DMD: variants seen among roughly 807,000 people sequenced by gnomAD.
The protein encoded by DMD is mutant dystrophin.
DMD carries 63 observed loss-of-function variants against 330.1 expected under a neutral mutation model. The observed-to-expected ratio is 0.19, with a 90% CI of 0.16 to 0.24. The LOEUF (loss-of-function observed/expected upper bound fraction) is 0.24. Ranked by LOEUF, DMD falls within the 10% of genes least tolerant of loss-of-function variation. The pLI is 1.00. For synonymous variants in DMD, 1,223 were observed against 959.8 expected, an observed-to-expected ratio of 1.27 and a Z score of -5.07; for missense variants, 3,344 against 2,684.1, an observed-to-expected ratio of 1.25 and a Z score of -5.43.
At chrX:33,010,084 G>A (rs867686740) in intron 2 of DMD, among the ~76,000 whole-genome samples, 1 of 86,099 alleles carries the variant, frequency 1.2e-5, no homozygotes, top group African/African-American at 5.1e-5. Context: ...ATGTGCACAT[G>A]TGTATATATA....
chrX:32,328,648 G>A (rs1204139344), intron 41 of DMD, among the ~76,000 whole-genome samples: 1 of 109,006 alleles, frequency 9.2e-6, no homozygotes, highest in African/African-American at 3.3e-5. Context: ...CTAAGTTGGT[G>A]GTTTACGGAC....
chrX:33,165,562 T>G (rs993287287), intron 1 of DMD, among the ~76,000 whole-genome samples: 38 of 111,128 alleles, frequency 3.4e-4, no homozygotes, highest in African/African-American at 1.2e-3. Context: ...GTTTAGAATA[T>G]ACAGGAGAAT....
intron 7 of DMD, among the ~76,000 whole-genome samples, chrX:32,748,954 G>A (rs1256426823): frequency 2.7e-5 from 3 of 112,343 alleles, no homozygotes; most frequent in Admixed American, 9.4e-5. Flanking sequence ...ACTGTTTAAT[G>A]TGATGGAGTA....
At chrX:31,695,729 C>A (rs901039698) in intron 52 of DMD, among the ~76,000 whole-genome samples, 6 of 110,698 alleles carry the variant, frequency 5.4e-5, no homozygotes, top group Non-Finnish European at 1.1e-4. Flanking sequence ...AAGTTGAACT[C>A]ATAGAAATGG....
chrX:31,391,732 G>A (rs1046252250), intron 60 of DMD, among the ~76,000 whole-genome samples: 9 of 109,981 alleles, frequency 8.2e-5, no homozygotes, highest in Non-Finnish European at 1.5e-4. Flanking sequence ...TTAGCTGGGC[G>A]TGGTGGCACA....
chrX:31,957,827 A>G (rs2095261730), intron 45 of DMD, among the ~76,000 whole-genome samples: 1 of 111,584 alleles, frequency 9.0e-6, no homozygotes, highest in Non-Finnish European at 1.9e-5. Context: ...TCCATTAACT[A>G]TATTAAACCA....
Position 31,146,307 on chromosome X carries a change from T to G in DMD, c.10905A>C (p.Gln3635His). The change falls in exon 76 of 79, where the codon CAA becomes CAC. Residue 3635 changes from glutamine to histidine, a missense_variant. By Grantham distance (24) the Gln-to-His change is conservative (BLOSUM62 0). Transcript: ENST00000357033. ...GACACTTACCCATGGAGTCCGAAGT[T>G]TGACTGCCAACCACTCGGAGCAGCA... ...QPMLLRVVGS[Q>H]TSDSMGEEDL... 4.1e-6 allele frequency: 5 copies of G among 1,211,284 alleles called. No individual in the cohort carries two copies. The highest frequency in any genetic ancestry group is 5.6e-6 in the Non-Finnish European group (5 of 895,333).
intron 1 of DMD, among the ~76,000 whole-genome samples, chrX:33,262,047 T>C (rs1363781012): frequency 1.8e-5 from 2 of 110,174 alleles, no homozygotes; most frequent in Non-Finnish European, 3.8e-5. Context: ...TGTTTAGAAT[T>C]CTCAACAATA....
intron 48 of DMD, among the ~76,000 whole-genome samples, chrX:31,855,721 T>C (rs1437658366): frequency 9.7e-6 from 1 of 102,886 alleles, no homozygotes; most frequent in Non-Finnish European, 2.0e-5. Flanking sequence ...ATTAAACTCG[T>C]ATTTTTTTAA....
intron 1 of DMD, among the ~76,000 whole-genome samples, chrX:33,282,996 G>C (rs767621577): frequency 9.0e-6 from 1 of 111,682 alleles, no homozygotes; most frequent in Admixed American, 9.5e-5. Flanking sequence ...AGGTTTTATT[G>C]TTCTTCTTCA....
intron 51 of DMD, among the ~76,000 whole-genome samples, chrX:31,752,288 T>C (rs1200487127): frequency 2.7e-5 from 3 of 111,789 alleles, no homozygotes; most frequent in African/African-American, 6.5e-5. Flanking sequence ...GTTCTGCATT[T>C]ACTTAGCATG....
rs992685881 is a variant in DMD at position 31,888,441 on chromosome X, C to A, written c.6913-13068G>T. Among the ~76,000 whole-genome samples, 4 of 111,509 alleles carry A rather than the reference C, an allele frequency of 3.6e-5. No homozygotes were observed. In the Admixed American group the frequency reaches 3.8e-4, roughly 11 times the overall value. On this transcript the variant is annotated intron_variant, in intron 47 of 78. Coordinates refer to ENST00000357033, the MANE Select transcript of DMD (RefSeq NM_004006.3). ...CAGCGCACTCTGAATGCATTTTAGG[C>A]AAATATTCTGTTGCCCCCAACCAAA...
At chrX:31,852,603 T>C (rs917161478) in intron 48 of DMD, among the ~76,000 whole-genome samples, 1 of 111,310 alleles carries the variant, frequency 9.0e-6, no homozygotes, top group African/African-American at 3.3e-5. Flanking sequence ...TTTGGCCTTT[T>C]AAAGAAAAAA....
intron 26 of DMD, among the ~76,000 whole-genome samples, chrX:32,449,845 T>G (rs1323943119): frequency 1.8e-5 from 2 of 110,373 alleles, no homozygotes; most frequent in African/African-American, 3.3e-5. Flanking sequence ...TATTTATGTG[T>G]GCCATGTAAA....
At chrX:31,629,624 G>T (rs1442639989) in intron 54 of DMD, among the ~76,000 whole-genome samples, 6 of 111,770 alleles carry the variant, frequency 5.4e-5, no homozygotes, top group Non-Finnish European at 9.4e-5. Context: ...TGCTTATCTA[G>T]TTTTCAGGCA....
intron 1 of DMD, among the ~76,000 whole-genome samples, chrX:33,261,385 G>A (rs1359955097): frequency 9.0e-6 from 1 of 110,548 alleles, no homozygotes; most frequent in African/African-American, 3.3e-5. Context: ...ATCAGACACA[G>A]TAGCTGCAGT....
intron 18 of DMD, among the ~76,000 whole-genome samples, chrX:32,505,270 T>A (rs1201906162): frequency 8.9e-6 from 1 of 112,225 alleles, no homozygotes. Flanking sequence ...GAAAGACATA[T>A]CTGGTAGAGA....
chrX:33,261,520 T>C (rs1212590697), intron 1 of DMD, among the ~76,000 whole-genome samples: 3 of 109,427 alleles, frequency 2.7e-5, no homozygotes, highest in African/African-American at 1.0e-4. Flanking sequence ...ATGGCAAAAG[T>C]TCACCCAGCA....
intron 7 of DMD, among the ~76,000 whole-genome samples, chrX:32,808,167 C>T (rs1166137583): frequency 9.0e-6 from 1 of 111,384 alleles, no homozygotes; most frequent in Non-Finnish European, 1.9e-5. Context: ...GAGCTAAAAA[C>T]AGGGGTAGGA....
Sources: allele counts gnomAD v4.1 joint callset (sites outside exome capture counted in the v4.1 genomes callset), GRCh38; gene constraint gnomAD v4.1.1; transcripts MANE v1.5; gene names NCBI Gene and HGNC (gene_info 2026-07-23, HGNC 2026-07-21).